Variants in SGCZ observed in about 807,000 individuals in gnomAD.
SGCZ encodes the protein zeta-sarcoglycan.
SGCZ carries 40 observed loss-of-function variants against 41.3 expected under a neutral mutation model. The observed-to-expected ratio is 0.97, with a 90% CI of 0.75 to 1.26. The LOEUF is 1.26. SGCZ is among the 50% of genes most tolerant of loss of function. SGCZ has a pLI of 0.00. For synonymous variants in SGCZ, 206 were observed against 137.5 expected, an observed-to-expected ratio of 1.50 and a Z score of -3.49; for missense variants, 552 against 369.8, an observed-to-expected ratio of 1.49 and a Z score of -4.04.
At chr8:14,995,763 A>G (rs531093989) in intron 1 of SGCZ, among the ~76,000 whole-genome samples, 36 of 152,320 alleles carry the variant, frequency 2.4e-4, no homozygotes, top group Admixed American at 9.8e-4. Context: ...TTAAGTATCA[A>G]TATTACTACT....
intron 4 of SGCZ, among the ~76,000 whole-genome samples, chr8:14,191,924 A>G (rs1805116126): frequency 6.6e-6 from 1 of 152,154 alleles, no homozygotes; most frequent in African/African-American, 2.4e-5. Flanking sequence ...AAAAAAAAGT[A>G]AAATACTGAT....
intron 4 of SGCZ, among the ~76,000 whole-genome samples, chr8:14,223,632 C>G (rs33976552): frequency 0.24 from 36,284 of 151,946 alleles, 5,556 homozygotes; most frequent in Non-Finnish European, 0.34. Context: ...GTTAAAGGGA[C>G]AGATGCTATA....
intron 1 of SGCZ, among the ~76,000 whole-genome samples, chr8:15,005,933 G>C (rs73203391): frequency 0.029 from 4,383 of 152,254 alleles, 104 homozygotes; most frequent in Non-Finnish European, 0.048. Flanking sequence ...AACGGAATGA[G>C]AAATTCTTCT....
chr8:14,834,094 T>C (rs1414689379), intron 1 of SGCZ, among the ~76,000 whole-genome samples: 4 of 152,148 alleles, frequency 2.6e-5, no homozygotes, highest in Non-Finnish European at 5.9e-5. Flanking sequence ...TATAAATAAA[T>C]TGAAAAGGGC....
intron 2 of SGCZ, among the ~76,000 whole-genome samples, chr8:14,418,433 C>T (rs11776984): frequency 0.096 from 14,553 of 151,892 alleles, 851 homozygotes; most frequent in Non-Finnish European, 0.14. Flanking sequence ...AAACGGACTT[C>T]TGGTAGTATG....
At chr8:14,183,311 C>G (rs910528070) in intron 4 of SGCZ, among the ~76,000 whole-genome samples, 17 of 147,664 alleles carry the variant, frequency 1.2e-4, no homozygotes, top group African/African-American at 3.5e-4. Flanking sequence ...CACACACACA[C>G]AGATTCTAGG....
intron 5 of SGCZ, among the ~76,000 whole-genome samples, chr8:14,119,991 G>A (rs527323908): frequency 6.6e-6 from 1 of 152,012 alleles, no homozygotes; most frequent in Non-Finnish European, 1.5e-5. Flanking sequence ...TTTTTGCATC[G>A]ATGCTCATCA....
intron 1 of SGCZ, among the ~76,000 whole-genome samples, chr8:15,145,181 C>A (rs560546): frequency 0.97 from 147,716 of 152,286 alleles, 71,786 homozygotes; most frequent in East Asian, 1. Context: ...TAATTCTTTA[C>A]GATTCTGAAA....
At chr8:14,344,100 G>C (rs192955602) in intron 2 of SGCZ, among the ~76,000 whole-genome samples, 6 of 152,058 alleles carry the variant, frequency 3.9e-5, no homozygotes, top group Non-Finnish European at 8.8e-5. Flanking sequence ...TGGGCACAGC[G>C]AGAGATTGGG....
intron 2 of SGCZ, among the ~76,000 whole-genome samples, chr8:14,522,166 C>T (rs2117102746): frequency 6.6e-6 from 1 of 152,064 alleles, no homozygotes; most frequent in Non-Finnish European, 1.5e-5. Flanking sequence ...ATTCTCTTTG[C>T]TAACATTTAG....
chr8:14,924,798 T>C (rs528293874), intron 1 of SGCZ, among the ~76,000 whole-genome samples: 6 of 152,140 alleles, frequency 3.9e-5, no homozygotes, highest in Non-Finnish European at 8.8e-5. Flanking sequence ...ATATTAACAT[T>C]ATCATTGTTT....
intron 1 of SGCZ, among the ~76,000 whole-genome samples, chr8:14,927,834 T>C (rs2130801132): frequency 6.6e-6 from 1 of 152,230 alleles, no homozygotes; most frequent in East Asian, 1.9e-4. Context: ...TTTCAATAAT[T>C]AATACATATA....
intron 1 of SGCZ, among the ~76,000 whole-genome samples, chr8:15,063,083 T>C (rs1425726711): frequency 6.6e-6 from 1 of 152,062 alleles, no homozygotes; most frequent in Non-Finnish European, 1.5e-5. Flanking sequence ...AAATCCTGCC[T>C]TTAGAGAATA....
intron 2 of SGCZ, among the ~76,000 whole-genome samples, chr8:14,513,694 T>C (rs1302458520): frequency 6.6e-6 from 1 of 152,068 alleles, no homozygotes; most frequent in African/African-American, 2.4e-5. Context: ...ATATTACCAG[T>C]TCCTTTTAAT....
intron 1 of SGCZ, among the ~76,000 whole-genome samples, chr8:14,590,064 T>C (rs1377883600): frequency 6.6e-6 from 1 of 152,020 alleles, no homozygotes; most frequent in East Asian, 1.9e-4. Context: ...GTGTGTACAG[T>C]AGTAAGAATT....
intron 1 of SGCZ, among the ~76,000 whole-genome samples, chr8:15,085,472 G>A (rs547573595): frequency 4.5e-4 from 69 of 152,118 alleles, no homozygotes; most frequent in African/African-American, 1.6e-3. Flanking sequence ...CCAAAAATAA[G>A]GAAATAAATT....
chr8:14,647,539 C>T lies in SGCZ; in HGVS notation c.40-92613G>A, dbSNP rs557249830. Among the ~76,000 whole-genome samples the T allele has an allele frequency of 7.2e-5, 11 of 152,058 alleles. No individual in the cohort carries two copies. The South Asian group carries it at 2.3e-3, about 32-fold the overall frequency. On this transcript the variant is annotated intron_variant, in intron 1 of 7. Coordinates refer to ENST00000382080, the MANE Select transcript of SGCZ (RefSeq NM_139167.4). ...TCACCTTCTCCCTTTCTCTTTCTCT[C>T]TCCGCAATGGTACGAGCCTTCTTCA...
chr8:15,166,486 G>T (rs1299640615), intron 1 of SGCZ, among the ~76,000 whole-genome samples: 1 of 152,010 alleles, frequency 6.6e-6, no homozygotes, highest in Non-Finnish European at 1.5e-5. Context: ...CTGACCTCAT[G>T]ATCCGCCCGC....
At chr8:14,476,054 C>A (rs984248570) in intron 2 of SGCZ, among the ~76,000 whole-genome samples, 1 of 151,928 alleles carries the variant, frequency 6.6e-6, no homozygotes, top group Admixed American at 6.6e-5. Context: ...AAATCTTCTA[C>A]CTTACTTCCC....
Sources: gnomAD v4.1 joint callset for allele counts (sites outside exome capture counted in the v4.1 genomes callset) on GRCh38, gnomAD v4.1.1 for gene constraint, MANE v1.5 for transcripts, NCBI Gene and HGNC (gene_info 2026-07-23, HGNC 2026-07-21) for gene names.